Variants in MTUS2 observed in about 807,000 individuals in gnomAD.
The protein encoded by MTUS2 is microtubule-associated tumor suppressor candidate 2.
MTUS2 carries 40 observed loss-of-function variants against 114.1 expected under a neutral mutation model. The observed-to-expected ratio is 0.35, with a 90% CI of 0.27 to 0.46. MTUS2 has a LOEUF of 0.46. MTUS2 is among the 20% of genes least tolerant of loss of function. The probability of loss-of-function intolerance (pLI) is 1.00; values close to 1 mark genes in which losing one functional copy is unlikely to be tolerated. For missense variants in MTUS2, 1,679 were observed against 1,705.4 expected (o/e 0.98, Z 0.27); for synonymous variants, 688 against 672.0 (o/e 1.02, Z -0.37).
chr13:28,962,961 T>C (rs1883397271), intron 2 of MTUS2, among the ~76,000 whole-genome samples: 1 of 152,144 alleles, frequency 6.6e-6, no homozygotes. Flanking sequence ...CCCTTTCTAC[T>C]CTATCATTTC....
At chr13:29,214,989 A>G (rs913584355) in intron 5 of MTUS2, among the ~76,000 whole-genome samples, 12 of 151,622 alleles carry the variant, frequency 7.9e-5, no homozygotes, top group African/African-American at 2.4e-4. Context: ...TGTCACTTTC[A>G]GGTACACCAA....
intron 8 of MTUS2, among the ~76,000 whole-genome samples, chr13:29,430,679 T>TA (rs1417106293): frequency 6.6e-6 from 1 of 152,218 alleles, no homozygotes; most frequent in African/African-American, 2.4e-5. Flanking sequence ...CTTTTTAAAT[T>TA]AAAAAACACA....
intron 2 of MTUS2, among the ~76,000 whole-genome samples, chr13:28,908,501 A>G (rs1230972042): frequency 6.6e-6 from 1 of 151,462 alleles, no homozygotes; most frequent in Non-Finnish European, 1.5e-5. Flanking sequence ...ATAGTATTCC[A>G]TGGTGTATAT....
At chr13:29,192,028 G>A (rs1251673295) in intron 5 of MTUS2, among the ~76,000 whole-genome samples, 1 of 152,178 alleles carries the variant, frequency 6.6e-6, no homozygotes, top group Non-Finnish European at 1.5e-5. Context: ...TCCGTAAGGA[G>A]GATGTCATAA....
chr13:28,956,394 A>AACCCAGTGC (rs1453375599), intron 2 of MTUS2, among the ~76,000 whole-genome samples: 44 of 152,220 alleles, frequency 2.9e-4, no homozygotes, highest in South Asian at 1.2e-3. Flanking sequence ...GGGCGGCAGC[A>AACCCAGTGC]ACCCAGTGCT....
intron 1 of MTUS2, among the ~76,000 whole-genome samples, chr13:28,835,672 G>T (rs1461846628): frequency 6.6e-6 from 1 of 152,162 alleles, no homozygotes; most frequent in Non-Finnish European, 1.5e-5. Flanking sequence ...TATCAGTAAA[G>T]CTGTTATTTA....
In MTUS2 at chr13:29,389,375, A is replaced by ATATGTATACACGTGTGTATATGTG. The variant is rs1566172694; in HGVS notation, c.3117+29905_3117+29906insGTATACACGTGTGTATATGTGTAT. On this transcript the variant is annotated intron_variant, in intron 8 of 15. Coordinates refer to ENST00000612955, the MANE Select transcript of MTUS2 (RefSeq NM_001033602.4). ...TGTATATATGTATGCACGTGTGTGT[A>ATATGTATACACGTGTGTATATGTG]TATATGTATACACGTGTGTGTATAT... 6.8e-4 allele frequency among the ~76,000 whole-genome samples: 25 copies of ATATGTATACACGTGTGTATATGTG among 36,624 alleles called. 1 individual carries two copies. Among genetic ancestry groups the ATATGTATACACGTGTGTATATGTG allele is most frequent in the African/African-American group, 1.8e-3 (25 of 14,264 alleles). 24.0% of individuals were successfully genotyped at this position (36,624 alleles called of 152,430 possible). A position where few individuals can be genotyped will look rare whatever the true frequency, so the allele number is the denominator to read the frequency against.
chr13:29,120,452 TA>T (rs1891262222), intron 5 of MTUS2, among the ~76,000 whole-genome samples: 1 of 152,158 alleles, frequency 6.6e-6, no homozygotes, highest in South Asian at 2.1e-4. Context: ...ACTTGTATAT[TA>T]AAATATATAA....
intron 2 of MTUS2, among the ~76,000 whole-genome samples, chr13:28,861,573 T>C (rs568703576): frequency 6.6e-6 from 1 of 151,924 alleles, no homozygotes; most frequent in African/African-American, 2.4e-5. Context: ...CAGTAGGCAA[T>C]AGTTGCAGTT....
chr13:29,150,258 A>G (rs997844695), intron 5 of MTUS2, among the ~76,000 whole-genome samples: 1 of 151,932 alleles, frequency 6.6e-6, no homozygotes, highest in Admixed American at 6.6e-5. Flanking sequence ...GTTCCTATTT[A>G]TTTTATTCTT....
intron 7 of MTUS2, among the ~76,000 whole-genome samples, chr13:29,344,518 C>CT (rs1868473478): frequency 6.6e-6 from 1 of 152,080 alleles, no homozygotes; most frequent in African/African-American, 2.4e-5. Flanking sequence ...TTCCACCCCT[C>CT]TACCTTAAGT....
At position 29,359,404 on chromosome 13, in the gene MTUS2, A is replaced by G. The variant is rs572753237; in HGVS notation, c.3048A>G (p.Gln1016=). ...EQQTRQLGVA[Q]GELKRAICGF... ...AGACCAGACAGCTGGGCGTTGCGCA[A>G]GGGGAGCTGAAGAGGGCCATCTGCG... Residue 1016 remains glutamine, a synonymous_variant, in exon 8 of 16, where the codon CAA becomes CAG. Transcript: ENST00000612955. The G allele has an allele frequency of 1.9e-6, 3 of 1,613,692 alleles. No homozygotes were observed. Among genetic ancestry groups the G allele is most frequent in the South Asian group, 1.1e-5 (1 of 90,992 alleles).
chr13:29,420,811 G>A (rs1400479715), intron 8 of MTUS2, among the ~76,000 whole-genome samples: 1 of 152,112 alleles, frequency 6.6e-6, no homozygotes, highest in Non-Finnish European at 1.5e-5. Flanking sequence ...TATGAGAGTA[G>A]TCAGCTCCTC....
Position 29,003,376 on chromosome 13 carries a change from C to G in MTUS2, c.-242-21081C>G, listed in dbSNP as rs550219662. 2.0e-5 allele frequency among the ~76,000 whole-genome samples: 3 copies of G among 152,268 alleles called. No individual in the cohort carries two copies. In the South Asian group the frequency reaches 6.2e-4, roughly 32 times the overall value. ...GGATTCAAGTCCAGGGAGTCCATGC[C>G]CTTAGCCATGCTCTGTGCTAGCCTC... On this transcript the variant is annotated intron_variant, in intron 2 of 15. Coordinates refer to ENST00000612955, the MANE Select transcript of MTUS2 (RefSeq NM_001033602.4).
intron 2 of MTUS2, among the ~76,000 whole-genome samples, chr13:28,847,448 A>C (rs1345916044): frequency 6.6e-6 from 1 of 152,050 alleles, no homozygotes; most frequent in Admixed American, 6.6e-5. Flanking sequence ...ATCTCTAGAA[A>C]TGGGGCTCAG....
intron 5 of MTUS2, among the ~76,000 whole-genome samples, chr13:29,235,949 A>C (rs996535690): frequency 1.3e-5 from 2 of 152,142 alleles, no homozygotes; most frequent in African/African-American, 4.8e-5. Flanking sequence ...AAAATTACGC[A>C]TTTCACTCAA....
At chr13:29,452,037 A>C in intron 9 of MTUS2, among the ~76,000 whole-genome samples, 1 of 152,304 alleles carries the variant, frequency 6.6e-6, no homozygotes. Flanking sequence ...AAAATTTCAA[A>C]CCAGTGATGT....
Position 29,159,889 on chromosome 13 carries a change from C to T in MTUS2, c.2644+58919C>T, listed in dbSNP as rs185744252. 1.3e-3 allele frequency among the ~76,000 whole-genome samples: 195 copies of T among 152,238 alleles called. 1 individual carries two copies. Among genetic ancestry groups the T allele is most frequent in the African/African-American group, 3.9e-3 (163 of 41,554 alleles). Reference sequence around the variant, plus strand: ...AAAAACTAGGCTCCACCTGTGTTGCCGGTGAGAATGTGAAATGGTACAGCC... The same window carrying T: ...AAAAACTAGGCTCCACCTGTGTTGCTGGTGAGAATGTGAAATGGTACAGCC... On this transcript the variant is annotated intron_variant, in intron 5 of 15. Transcript: ENST00000612955.
rs533472660 is a variant in MTUS2 at position 29,037,815 on chromosome 13, C to T, written c.2446+3690C>T. On this transcript the variant is annotated intron_variant, in intron 4 of 15. Coordinates refer to ENST00000612955, the MANE Select transcript of MTUS2 (RefSeq NM_001033602.4). The stretch of plus-strand genomic sequence containing the variant: ...CACTTGATCGATTCAGCTATTGATA[C>T]TTGTGTATTCTTCACGAAGTTTTCA... 1.3e-4 allele frequency among the ~76,000 whole-genome samples: 20 copies of T among 152,266 alleles called. No homozygotes were observed. The East Asian group carries it at 3.9e-3, about 29-fold the overall frequency.
Sources: gnomAD v4.1 joint callset for allele counts (sites outside exome capture counted in the v4.1 genomes callset) on GRCh38, gnomAD v4.1.1 for gene constraint, MANE v1.5 for transcripts, NCBI Gene and HGNC (gene_info 2026-07-23, HGNC 2026-07-21) for gene names.